SPATS2L: variants seen among roughly 807,000 people sequenced by gnomAD.
SPATS2L encodes the protein spermatogenesis associated serine rich 2 like.
A neutral mutation model predicts 59.6 loss-of-function variants in SPATS2L; 30 were observed. The ratio of observed to expected loss-of-function variants is 0.50; its 90% confidence interval spans 0.38 to 0.68. The LOEUF is 0.68. Ranked by LOEUF, SPATS2L falls within the 30% of genes least tolerant of loss-of-function variation. SPATS2L has a pLI of 0.00. For missense variants in SPATS2L, 615 were observed against 700.0 expected (o/e 0.88, Z 1.37); for synonymous variants, 252 against 263.5 (o/e 0.96, Z 0.42).
intron 1 of SPATS2L, among the ~76,000 whole-genome samples, chr2:200,316,024 C>CAAAA (rs369862567): frequency 4.0e-5 from 2 of 49,780 alleles, no homozygotes; most frequent in Admixed American, 2.1e-4. Flanking sequence ...GACTCCATCT[C>CAAAA]AAAAAAAAAA....
At chr2:200,422,245 A>G (rs1041112484) in intron 6 of SPATS2L, among the ~76,000 whole-genome samples, 4 of 152,224 alleles carry the variant, frequency 2.6e-5, no homozygotes, top group Non-Finnish European at 5.9e-5. Context: ...TTTCTGTTAA[A>G]GAGTAAATGA....
intron 1 of SPATS2L, 146 bp downstream of exon 1, chr2:200,307,068 C>A: frequency 1.5e-6 from 1 of 661,770 alleles, no homozygotes; most frequent in Non-Finnish European, 1.9e-6. Flanking sequence ...CCTCCCGGAG[C>A]GCTGGGTGTG....
Position 200,478,090 on chromosome 2 carries a change from C to T in SPATS2L, c.*59C>T. On this transcript the variant is annotated 3_prime_UTR_variant, in exon 13 of 13. Transcript: ENST00000409140. ...TTGGTTCCCTGCCCGAGGTGCTGAC[C>T]CAATTCGCTGCCAAAAGAGTGTCAA... is the stretch of plus-strand genomic sequence containing the variant. The T allele has an allele frequency of 6.8e-7, 1 of 1,465,656 alleles. No homozygotes were observed. Among genetic ancestry groups the T allele is most frequent in the South Asian group, 1.4e-5 (1 of 72,142 alleles). 90.8% of individuals were successfully genotyped at this position (1,465,656 alleles called of 1,614,324 possible).
At chr2:200,367,445 A>C (rs191077470) in intron 2 of SPATS2L, among the ~76,000 whole-genome samples, 1 of 152,300 alleles carries the variant, frequency 6.6e-6, no homozygotes, top group African/African-American at 2.4e-5. Flanking sequence ...TGTGAACACA[A>C]GTTATTCTGT....
At chr2:200,457,121 TC>T (rs2085892940) in intron 8 of SPATS2L, among the ~76,000 whole-genome samples, 1 of 152,098 alleles carries the variant, frequency 6.6e-6, no homozygotes, top group Non-Finnish European at 1.5e-5. Context: ...CTGTAGATTC[TC>T]CCCATATCTC....
At chr2:200,411,440 T>C (rs1019877617) in intron 3 of SPATS2L, among the ~76,000 whole-genome samples, 1 of 152,036 alleles carries the variant, frequency 6.6e-6, no homozygotes, top group African/African-American at 2.4e-5. Context: ...GACCGTACAG[T>C]GCTTTAATGA....
intron 2 of SPATS2L, among the ~76,000 whole-genome samples, chr2:200,382,883 TAAC>T (rs763350789): frequency 6.6e-6 from 1 of 152,216 alleles, no homozygotes; most frequent in Non-Finnish European, 1.5e-5. Context: ...GATTATTCCT[TAAC>T]GACGTAATTT....
At position 200,306,875 on chromosome 2, in the gene SPATS2L, G is replaced by A; in HGVS notation, c.-120G>A. On this transcript the variant is annotated 5_prime_UTR_variant, in exon 1 of 13. Transcript: ENST00000409140. Reference sequence around the variant, plus strand: ...CGCCTCCCCTGGCGACCGCGCCCCCGGGCCCCGGCTCCGGCCCGGGACGGA... The same window carrying A: ...CGCCTCCCCTGGCGACCGCGCCCCCAGGCCCCGGCTCCGGCCCGGGACGGA... The A allele has an allele frequency of 2.0e-6, 2 of 981,242 alleles. No homozygotes were observed. The highest frequency in any genetic ancestry group is 2.4e-6 in the Non-Finnish European group (2 of 828,278). 60.8% of individuals were successfully genotyped at this position (981,242 alleles called of 1,614,324 possible).
At chr2:200,463,394 T>C (rs752617642) in intron 9 of SPATS2L, 3 of 152,196 alleles carry the variant, frequency 2.0e-5, no homozygotes, top group Non-Finnish European at 4.4e-5. Context: ...ATTTGTTAAA[T>C]GAGTTATTGT....
rs141351691 is a variant in SPATS2L, at chr2:200,479,797, G to T, written c.*1766G>T. On this transcript the variant is annotated 3_prime_UTR_variant, in exon 13 of 13. Transcript: ENST00000409140. Reference sequence around the variant, plus strand: ...CTGAGCAGCTGAGCCTGCAAGCCACGCAAGCATCTGTTTCTTCTTTTGCCA... The same window carrying T: ...CTGAGCAGCTGAGCCTGCAAGCCACTCAAGCATCTGTTTCTTCTTTTGCCA... 7.8e-3 allele frequency: 3,110 copies of T among 398,592 alleles called. 61 individuals are homozygous for T. The highest frequency in any genetic ancestry group is 6.1e-3 in the Non-Finnish European group (1,378 of 226,094). The allele number at this position is 398,592 out of a possible 1,614,324, so 24.7% of individuals were successfully genotyped here.
intron 3 of SPATS2L, among the ~76,000 whole-genome samples, chr2:200,394,897 T>TAACC (rs754904349): frequency 6.6e-6 from 1 of 152,118 alleles, no homozygotes; most frequent in Non-Finnish European, 1.5e-5. Context: ...CTTTGCTGAG[T>TAACC]AACCGGTCAT....
At chr2:200,416,114 C>T (rs892688112) in intron 4 of SPATS2L, among the ~76,000 whole-genome samples, 9 of 151,638 alleles carry the variant, frequency 5.9e-5, no homozygotes, top group African/African-American at 1.7e-4. Context: ...TTTCATTTTC[C>T]GTACGACAAT....
chr2:200,376,220 G>C (rs1333544399), intron 2 of SPATS2L, among the ~76,000 whole-genome samples: 1 of 152,088 alleles, frequency 6.6e-6, no homozygotes, highest in Non-Finnish European at 1.5e-5. Context: ...ATGTATATTT[G>C]AAGCACTTTA....
At position 200,480,590 on chromosome 2, in the gene SPATS2L, C is replaced by G. The variant is rs139739649; in HGVS notation, c.*2559C>G. 2 of 152,372 alleles carry G rather than the reference C, an allele frequency of 1.3e-5. No individual in the cohort carries two copies. Among genetic ancestry groups the G allele is most frequent in the Admixed American group, 6.5e-5 (1 of 15,284 alleles). 9.4% of individuals were successfully genotyped at this position (152,372 alleles called of 1,614,324 possible). On this transcript the variant is annotated 3_prime_UTR_variant, in exon 13 of 13. Coordinates refer to ENST00000409140, the MANE Select transcript of SPATS2L (RefSeq NM_001100423.2). The stretch of plus-strand genomic sequence containing the variant: ...CTCACTATGGTGCCCAGACTGGTCT[C>G]GAACTCCGGAGCTCAAGTGATCTTC...
intron 3 of SPATS2L, 123 bp downstream of exon 3, chr2:200,389,406 GC>G: frequency 1.5e-6 from 1 of 645,732 alleles, no homozygotes. Flanking sequence ...TAGTAAGTTT[GC>G]CACAACAGTA....
intron 3 of SPATS2L, among the ~76,000 whole-genome samples, chr2:200,404,903 A>T (rs1305236314): frequency 6.6e-6 from 1 of 151,934 alleles, no homozygotes; most frequent in Non-Finnish European, 1.5e-5. Context: ...TCATTGCATC[A>T]CTGTCCCATT....
intron 9 of SPATS2L, among the ~76,000 whole-genome samples, chr2:200,460,176 T>A (rs1463455031): frequency 6.6e-6 from 1 of 152,334 alleles, no homozygotes; most frequent in Non-Finnish European, 1.5e-5. Flanking sequence ...GAATTTAGTA[T>A]TAGATTTTAA....
At chr2:200,450,078 T>C (rs1031860270) in intron 8 of SPATS2L, among the ~76,000 whole-genome samples, 5 of 152,196 alleles carry the variant, frequency 3.3e-5, no homozygotes. Flanking sequence ...TAGATTAAGG[T>C]TTAAATCTCA....
At chr2:200,332,114 GA>G (rs995657024) in intron 2 of SPATS2L, among the ~76,000 whole-genome samples, 6 of 152,214 alleles carry the variant, frequency 3.9e-5, no homozygotes, top group Admixed American at 3.3e-4. Flanking sequence ...CCCTCATTAA[GA>G]GGAAAAATTT....
Sources: allele counts gnomAD v4.1 joint callset (sites outside exome capture counted in the v4.1 genomes callset), GRCh38; gene constraint gnomAD v4.1.1; transcripts MANE v1.5; gene names NCBI Gene and HGNC (gene_info 2026-07-23, HGNC 2026-07-21).